Variants in STX7 observed in about 807,000 individuals in gnomAD.
STX7 encodes syntaxin-7.
In STX7, 34 loss-of-function variants were observed where a neutral mutation model predicts 39.6. The ratio of observed to expected loss-of-function variants is 0.86; its 90% confidence interval spans 0.65 to 1.14. The LOEUF (loss-of-function observed/expected upper bound fraction) is 1.14. Ranked by LOEUF, STX7 falls within the 50% of genes most tolerant of loss-of-function variation. STX7 has a pLI of 0.00. For synonymous variants in STX7, 119 were observed against 99.1 expected (o/e 1.20, Z -1.19); for missense variants, 284 against 310.4 (o/e 0.92, Z 0.64).
At position 132,447,425 on chromosome 6, in the gene STX7, T is replaced by C. The variant is rs754873560; in HGVS notation, c.*13333A>G. 1.3e-5 allele frequency: 2 copies of C among 152,228 alleles called. No individual in the cohort carries two copies. Among genetic ancestry groups the C allele is most frequent in the Non-Finnish European group, 2.9e-5 (2 of 68,042 alleles). The allele number at this position is 152,228 out of a possible 1,614,324, so 9.4% of individuals were successfully genotyped here. Reference sequence around the variant, plus strand: ...ATCTTTTATACATGCTTAAGAAATATGCACATGCTCTAAATTGGGGGAACA... The same window carrying C: ...ATCTTTTATACATGCTTAAGAAATACGCACATGCTCTAAATTGGGGGAACA... On this transcript the variant is annotated 3_prime_UTR_variant, in exon 10 of 10. Coordinates refer to ENST00000367941, the MANE Select transcript of STX7 (RefSeq NM_003569.3).
rs537037225 is a variant in STX7 at position 132,449,188 on chromosome 6, A to G, written c.*11570T>C. 1.3e-5 allele frequency: 2 copies of G among 152,464 alleles called. No homozygotes were observed. The highest frequency in any genetic ancestry group is 1.5e-5 in the Non-Finnish European group (1 of 68,420). The allele number at this position is 152,464 out of a possible 1,614,324, so 9.4% of individuals were successfully genotyped here. On this transcript the variant is annotated 3_prime_UTR_variant, in exon 10 of 10. Coordinates refer to ENST00000367941, the MANE Select transcript of STX7 (RefSeq NM_003569.3). ...TTTTTTGTACAGATGGAGTTTCACC[A>G]TGTTGCTCAGGCTGGTCTTAAACTC... is the stretch of plus-strand genomic sequence containing the variant.
At chr6:132,484,482 G>A (rs1292339507) in intron 2 of STX7, among the ~76,000 whole-genome samples, 2 of 152,172 alleles carry the variant, frequency 1.3e-5, no homozygotes, top group Non-Finnish European at 2.9e-5. Context: ...AATGGATGCT[G>A]TCTGACAAAT....
chr6:132,470,052 C>G lies in STX7; in HGVS notation c.441-5G>C. On this transcript the variant is annotated splice_polypyrimidine_tract_variant and splice_region_variant and intron_variant, in intron 6 of 9. Transcript: ENST00000367941. ...TGCACTTGAGGTTGAGTTTGGCTAA[C>G]AGAAAAAAATGAATGTGGAAAAAAA... 1.3e-6 allele frequency: 2 copies of G among 1,568,974 alleles called. No homozygotes were observed. The highest frequency in any genetic ancestry group is 1.7e-6 in the Non-Finnish European group (2 of 1,165,888).
At chr6:132,500,101 G>C (rs978609268) in intron 2 of STX7, among the ~76,000 whole-genome samples, 2 of 152,054 alleles carry the variant, frequency 1.3e-5, no homozygotes, top group African/African-American at 2.4e-5. Context: ...GCCAGCATCC[G>C]AGCTCTCCCC....
intron 1 of STX7, among the ~76,000 whole-genome samples, chr6:132,504,894 G>A (rs1027530903): frequency 2.0e-5 from 3 of 152,222 alleles, no homozygotes; most frequent in Non-Finnish European, 4.4e-5. Flanking sequence ...AGGCAAGGAC[G>A]TGAAGGCTGG....
chr6:132,461,899 A>G (rs1774417108), intron 9 of STX7: 2 of 1,485,780 alleles, frequency 1.3e-6, no homozygotes, highest in Non-Finnish European at 1.8e-6. Context: ...ACTTTGTGTC[A>G]AGTAGAAGTA....
At chr6:132,470,728 T>C in intron 5 of STX7, 102 bp from the exon 6 acceptor site, 2 of 763,854 alleles carry the variant, frequency 2.6e-6, no homozygotes, top group Non-Finnish European at 4.5e-6. Context: ...TAAACTGATT[T>C]ATGTACGTGT....
chr6:132,470,198 A>C (rs1364751223), intron 6 of STX7, 151 bp from the exon 7 acceptor site: 2 of 504,780 alleles, frequency 4.0e-6, no homozygotes, highest in Non-Finnish European at 6.6e-6. Flanking sequence ...TATAACAGAT[A>C]TATTAATAAA....
intron 8 of STX7, among the ~76,000 whole-genome samples, chr6:132,465,155 A>C (rs1468393441): frequency 2.0e-5 from 3 of 152,098 alleles, no homozygotes; most frequent in African/African-American, 4.8e-5. Context: ...CAGTTCACTG[A>C]CCATACTTTT....
rs1040774699 is a variant in STX7 at position 132,452,910 on chromosome 6, C to T, written c.*7848G>A. On this transcript the variant is annotated 3_prime_UTR_variant, in exon 10 of 10. Transcript: ENST00000367941. The stretch of plus-strand genomic sequence containing the variant: ...AAGTTTATACGGGAAGACAAAGGAA[C>T]TAAGTGGCTAAAACAATTTTGAAAA... 2.6e-5 allele frequency: 4 copies of T among 152,028 alleles called. No individual in the cohort carries two copies. Among genetic ancestry groups the T allele is most frequent in the African/African-American group, 7.2e-5 (3 of 41,410 alleles). 9.4% of individuals were successfully genotyped at this position (152,028 alleles called of 1,614,324 possible).
intron 2 of STX7, among the ~76,000 whole-genome samples, chr6:132,489,106 G>A (rs1582669530): frequency 6.8e-6 from 1 of 147,316 alleles, no homozygotes; most frequent in East Asian, 2.0e-4. Flanking sequence ...AGAGGCTGAA[G>A]CACAAGAATA....
intron 7 of STX7, among the ~76,000 whole-genome samples, chr6:132,469,710 G>A (rs940450236): frequency 3.0e-4 from 46 of 152,040 alleles, no homozygotes; most frequent in Admixed American, 2.0e-3. Context: ...GGGGTGACAC[G>A]TGCCTGTAAT....
At chr6:132,502,502 T>C (rs1775593240) in intron 2 of STX7, among the ~76,000 whole-genome samples, 1 of 152,074 alleles carries the variant, frequency 6.6e-6, no homozygotes, top group South Asian at 2.1e-4. Context: ...TCCACTCAAA[T>C]CTGCTATAAT....
At chr6:132,467,906 A>C (rs941403069) in intron 8 of STX7, among the ~76,000 whole-genome samples, 4 of 152,210 alleles carry the variant, frequency 2.6e-5, no homozygotes, top group Non-Finnish European at 5.9e-5. Context: ...ACTTCTAAAA[A>C]GAATTCCTAA....
At chr6:132,509,507 CA>C (rs1562343754) in intron 1 of STX7, among the ~76,000 whole-genome samples, 1 of 137,652 alleles carries the variant, frequency 7.3e-6, no homozygotes, top group Non-Finnish European at 1.6e-5. Context: ...CATAACATAA[CA>C]TAACATAAAA....
At chr6:132,512,287 GA>G (rs1364500512) in intron 1 of STX7, among the ~76,000 whole-genome samples, 1 of 151,864 alleles carries the variant, frequency 6.6e-6, no homozygotes, top group Non-Finnish European at 1.5e-5. Flanking sequence ...ACAAATGTAA[GA>G]AATTTGTGGG....
intron 2 of STX7, among the ~76,000 whole-genome samples, chr6:132,479,364 G>A (rs1582660699): frequency 1.3e-5 from 2 of 152,148 alleles, no homozygotes; most frequent in South Asian, 2.1e-4. Context: ...TCAGGGCACC[G>A]AAGAAAACTA....
chr6:132,472,946 C>A (rs766383669), intron 3 of STX7, among the ~76,000 whole-genome samples: 20 of 152,234 alleles, frequency 1.3e-4, no homozygotes, highest in African/African-American at 4.8e-4. Flanking sequence ...TCACTTGAGG[C>A]CAGGAATTTG....
At chr6:132,488,183 G>A (rs79895558) in intron 2 of STX7, among the ~76,000 whole-genome samples, 3,549 of 152,028 alleles carry the variant, frequency 0.023, 125 homozygotes, top group African/African-American at 0.08. Context: ...AAACATTAGG[G>A]GATTTTCCAG....
Sources: allele counts gnomAD v4.1 joint callset (sites outside exome capture counted in the v4.1 genomes callset), GRCh38; gene constraint gnomAD v4.1.1; transcripts MANE v1.5; gene names NCBI Gene and HGNC (gene_info 2026-07-23, HGNC 2026-07-21).